ATL2: variants seen among roughly 807,000 people sequenced by gnomAD.
ATL2 encodes the protein atlastin GTPase 2.
A neutral mutation model predicts 73.9 loss-of-function variants in ATL2; 31 were observed. That is an observed-to-expected ratio of 0.42 (90% CI 0.32 to 0.57). The LOEUF is 0.57. ATL2 is among the 20% of genes least tolerant of loss of function. The pLI is 0.14. For missense variants in ATL2, 738 were observed against 702.6 expected (o/e 1.05, Z -0.57); for synonymous variants, 291 against 237.5 (o/e 1.23, Z -2.07).
At position 38,315,266 on chromosome 2, in the gene ATL2, A is replaced by T; in HGVS notation, c.654+18T>A. On this transcript the variant is annotated intron_variant, in intron 5 of 12. Transcript: ENST00000378954. ...AACTCCATCTCAAAAAATAAAAATT[A>T]AAAAAAGAAATACGTACTTGCAAAT... 4 of 1,474,974 alleles carry T rather than the reference A, an allele frequency of 2.7e-6. No individual in the cohort carries two copies. Among genetic ancestry groups the T allele is most frequent in the Non-Finnish European group, 3.6e-6 (4 of 1,119,256 alleles). The allele number at this position is 1,474,974 out of a possible 1,614,324, so 91.4% of individuals were successfully genotyped here.
chr2:38,335,542 T>A (rs917407662), intron 2 of ATL2, among the ~76,000 whole-genome samples: 8 of 152,144 alleles, frequency 5.3e-5, no homozygotes, highest in Admixed American at 3.9e-4. Flanking sequence ...GCAAAACTAA[T>A]CTACATTAAT....
intron 1 of ATL2, among the ~76,000 whole-genome samples, chr2:38,364,542 T>G (rs13339767): frequency 0.045 from 6,923 of 152,296 alleles, 521 homozygotes; most frequent in African/African-American, 0.15. Flanking sequence ...TAGGCCAAAT[T>G]ATTCCATATT....
In ATL2 at chr2:38,295,558, A is replaced by T. The variant is rs998859001; in HGVS notation, c.*436T>A. The T allele has an allele frequency of 6.5e-6, 1 of 153,804 alleles. No individual in the cohort carries two copies. 9.5% of individuals were successfully genotyped at this position (153,804 alleles called of 1,614,324 possible). On this transcript the variant is annotated 3_prime_UTR_variant, in exon 13 of 13. Transcript: ENST00000378954. ...ATATATACTTTTAATGTAGTGGCTC[A>T]ATAAAGGCTTCATTGTCTTTCCAAT...
chr2:38,367,858 T>C (rs923127803), intron 1 of ATL2, among the ~76,000 whole-genome samples: 2 of 151,330 alleles, frequency 1.3e-5, no homozygotes, highest in African/African-American at 2.4e-5. Context: ...GTCTCGAACT[T>C]CTGACCTCAG....
chr2:38,377,397 C>G, upstream of ATL2: 1 of 670,378 alleles, frequency 1.5e-6, no homozygotes, highest in Non-Finnish European at 2.4e-6. Flanking sequence ...CCGCCTGTAT[C>G]TCCTCGCCCT....
Position 38,310,405 on chromosome 2 carries a change from G to C in ATL2, c.847C>G (p.His283Asp). ...AGATTTGAGAAACAATTGTGTATGTGCTTCCTTACATTCTGAAGCTCTTCA... is the reference window on the plus strand; with the variant it reads ...AGATTTGAGAAACAATTGTGTATGTCCTTCCTTACATTCTGAAGCTCTTCA... ...QHEELQNVRK[H>D]IHNCFSNLGC... Residue 283 changes from histidine to aspartate, a missense_variant, in exon 8 of 13, where the codon CAC becomes GAC. His to Asp is a moderately conservative substitution (Grantham distance 81). Transcript: ENST00000378954. 1 of 1,611,482 alleles carries C rather than the reference G, an allele frequency of 6.2e-7. No homozygotes were observed. The highest frequency in any genetic ancestry group is 8.5e-7 in the Non-Finnish European group (1 of 1,178,970).
intron 9 of ATL2, among the ~76,000 whole-genome samples, chr2:38,303,392 G>C (rs897362257): frequency 6.6e-6 from 1 of 151,882 alleles, no homozygotes; most frequent in South Asian, 2.1e-4. Flanking sequence ...TTTTTGTAGA[G>C]ACAAGGTTTC....
chr2:38,346,732 T>G (rs907968777), intron 1 of ATL2, among the ~76,000 whole-genome samples: 2 of 152,186 alleles, frequency 1.3e-5, no homozygotes, highest in African/African-American at 4.8e-5. Context: ...GCAGTAATGC[T>G]CGCTCGCCTG....
At chr2:38,309,945 C>T (rs955258054) in intron 8 of ATL2, among the ~76,000 whole-genome samples, 3 of 152,124 alleles carry the variant, frequency 2.0e-5, no homozygotes, top group African/African-American at 7.2e-5. Context: ...CTACAACATA[C>T]ATAAACTGTA....
Position 38,294,000 on chromosome 2 carries a change from T to C in ATL2, c.*1994A>G, listed in dbSNP as rs532161991. On this transcript the variant is annotated 3_prime_UTR_variant, in exon 13 of 13. Transcript: ENST00000378954. Reference sequence around the variant, plus strand: ...TCTTTAATTTCAGAAAATCTGCTATTATACAACAAATTATTTTTTCATTCA... The same window carrying C: ...TCTTTAATTTCAGAAAATCTGCTATCATACAACAAATTATTTTTTCATTCA... 1.3e-5 allele frequency among the ~76,000 whole-genome samples: 2 copies of C among 152,356 alleles called. No individual in the cohort carries two copies. The highest frequency in any genetic ancestry group is 4.8e-5 in the African/African-American group (2 of 41,574).
At position 38,315,460 on chromosome 2, in the gene ATL2, A is replaced by G. The variant is rs577648542; in HGVS notation, c.604-126T>C. 23 of 939,716 alleles carry G rather than the reference A, an allele frequency of 2.4e-5. No homozygotes were observed. In the African/African-American group the frequency reaches 3.4e-4, roughly 14 times the overall value. The allele number at this position is 939,716 out of a possible 1,614,324, so 58.2% of individuals were successfully genotyped here. On this transcript the variant is annotated intron_variant, in intron 4 of 12. Coordinates refer to ENST00000378954, the MANE Select transcript of ATL2 (RefSeq NM_001135673.4). The stretch of plus-strand genomic sequence containing the variant: ...AGCGCAAAGGAATCATTTAACTACT[A>G]TCTTGACAACTGACATGTGAAAAGG...
chr2:38,305,468 G>A (rs927956306), intron 9 of ATL2, among the ~76,000 whole-genome samples: 1 of 152,104 alleles, frequency 6.6e-6, no homozygotes, highest in African/African-American at 2.4e-5. Context: ...AGAATCACTT[G>A]AACCTGGGAG....
intron 1 of ATL2, among the ~76,000 whole-genome samples, chr2:38,365,659 C>T (rs181711598): frequency 8.9e-5 from 13 of 145,754 alleles, no homozygotes; most frequent in African/African-American, 2.3e-4. Flanking sequence ...GGCGTGAGGG[C>T]GGGTACCTGT....
In ATL2 at chr2:38,377,157, G is replaced by A; in HGVS notation, c.104C>T (p.Ser35Phe). 1 of 1,610,676 alleles carries A rather than the reference G, an allele frequency of 6.2e-7. No individual in the cohort carries two copies. Among genetic ancestry groups the A allele is most frequent in the Non-Finnish European group, 8.5e-7 (1 of 1,179,398 alleles). The part of the protein sequence containing the change: ...DPSAAVNHVS[S>F]TTSLGENYED... ...CTGGCCCGTACCTAGGGAGGTCGTG[G>A]ACGAGACGTGGTTAACCGCGGCGCT... Residue 35 changes from serine to phenylalanine, a missense_variant, in exon 1 of 13, where the codon TCC becomes TTC. Physicochemically the swap from Ser to Phe is radical, Grantham distance 155. Transcript: ENST00000378954.
Position 38,377,187 on chromosome 2 carries a change from T to A in ATL2, c.74A>T (p.Asp25Val). The change falls in exon 1 of 13, where the codon GAC becomes GTC. Residue 25 changes from aspartate (D) to valine (V), a missense_variant. Physicochemically the swap from Asp to Val is radical, Grantham distance 152. Coordinates refer to ENST00000378954, the MANE Select transcript of ATL2 (RefSeq NM_001135673.4). ...QGLWRRRRTS[D>V]PSAAVNHVSS... ...GACGTGGTTAACCGCGGCGCTTGGG[T>A]CGCTGGTCCGTCGCCGGCGCCACAG... is the stretch of plus-strand genomic sequence containing the variant. 6.2e-7 allele frequency: 1 copy of A among 1,610,618 alleles called. No individual in the cohort carries two copies. The highest frequency in any genetic ancestry group is 8.5e-7 in the Non-Finnish European group (1 of 1,179,288).
chr2:38,356,199 C>T (rs752478740), intron 1 of ATL2, among the ~76,000 whole-genome samples: 1 of 151,880 alleles, frequency 6.6e-6, no homozygotes, highest in South Asian at 2.1e-4. Flanking sequence ...TCAACCTACT[C>T]AGTATTTTTT....
chr2:38,369,494 G>A (rs572208989), intron 1 of ATL2, among the ~76,000 whole-genome samples: 1 of 151,256 alleles, frequency 6.6e-6, no homozygotes, highest in South Asian at 2.1e-4. Context: ...CACTATGTTG[G>A]TCAGGCTGGT....
intron 10 of ATL2, 132 bp downstream of exon 10, chr2:38,300,140 C>T (rs569687183): frequency 6.8e-5 from 48 of 706,470 alleles, no homozygotes; most frequent in African/African-American, 3.2e-4. Flanking sequence ...ACGACACATA[C>T]GGCCTTAAGC....
intron 1 of ATL2, chr2:38,376,257 G>A: frequency 7.1e-7 from 1 of 1,411,210 alleles, no homozygotes; most frequent in African/African-American, 1.4e-5. Context: ...TATAAATAGG[G>A]GTGTTATGAG....
Sources: allele counts gnomAD v4.1 joint callset (sites outside exome capture counted in the v4.1 genomes callset), GRCh38; gene constraint gnomAD v4.1.1; transcripts MANE v1.5; gene names NCBI Gene and HGNC (gene_info 2026-07-23, HGNC 2026-07-21).